Variants in ASIC2 observed in about 807,000 individuals in gnomAD.
ASIC2 encodes the protein acid-sensing ion channel 2.
In ASIC2, 25 loss-of-function variants were observed where a neutral mutation model predicts 57.3. That is an observed-to-expected ratio of 0.44 (90% CI 0.32 to 0.61). ASIC2 has a LOEUF of 0.61. Among genes scored for constraint, ASIC2 ranks in the 20% least tolerant of loss-of-function variants. ASIC2 has a pLI of 0.06. For synonymous variants in ASIC2, 319 were observed against 307.5 expected, an observed-to-expected ratio of 1.04 and a Z score of -0.39; for missense variants, 641 against 738.1, an observed-to-expected ratio of 0.87 and a Z score of 1.52.
chr17:33,198,263 G>A (rs1013773208), intron 1 of ASIC2, among the ~76,000 whole-genome samples: 1 of 152,120 alleles, frequency 6.6e-6, no homozygotes, highest in African/African-American at 2.4e-5. Context: ...GAGGTGGGAG[G>A]ATCCCTTGAA....
chr17:34,038,649 C>CT, intron 1 of ASIC2: 3 of 1,590,152 alleles, frequency 1.9e-6, no homozygotes, highest in Non-Finnish European at 2.6e-6. Context: ...CTAACCCTTT[C>CT]TAGCCTCTCC....
At chr17:33,414,648 G>A (rs1444791987) in intron 1 of ASIC2, among the ~76,000 whole-genome samples, 1 of 152,162 alleles carries the variant, frequency 6.6e-6, no homozygotes, top group East Asian at 1.9e-4. Flanking sequence ...GGTGCTCCAG[G>A]GTTTTCCAGG....
At chr17:34,095,670 T>G (rs374527732) in intron 1 of ASIC2, among the ~76,000 whole-genome samples, 2,297 of 92,760 alleles carry the variant, frequency 0.025, 49 homozygotes, top group East Asian at 0.082. Context: ...TATATATATA[T>G]AGAGAGAGAG....
intron 1 of ASIC2, among the ~76,000 whole-genome samples, chr17:34,099,135 AGAGAGAGAGACAGAGAGAGAGAG>A (rs2142096582): frequency 1.3e-4 from 3 of 23,260 alleles, no homozygotes; most frequent in African/African-American, 3.4e-4. Context: ...AGAGAGAGAG[AGAGAGAGAGACAGAGAGAGAGAG>A]AGAGAGAAAG....
intron 1 of ASIC2, among the ~76,000 whole-genome samples, chr17:34,107,716 T>C (rs1357813157): frequency 6.6e-6 from 1 of 152,140 alleles, no homozygotes; most frequent in East Asian, 1.9e-4. Context: ...GTACTCAAAA[T>C]AGTTTGTTCT....
At chr17:33,128,828 A>G (rs184650458) in intron 1 of ASIC2, among the ~76,000 whole-genome samples, 1 of 152,360 alleles carries the variant, frequency 6.6e-6, no homozygotes, top group African/African-American at 2.4e-5. Flanking sequence ...AAAGGTGGCC[A>G]TAGTAGTCAC....
chr17:33,367,710 A>AAGAT (rs1908870693), intron 1 of ASIC2, among the ~76,000 whole-genome samples: 3 of 152,152 alleles, frequency 2.0e-5, no homozygotes, highest in Non-Finnish European at 2.9e-5. Flanking sequence ...TTTAGTAAAA[A>AAGAT]CTCAGGGCAA....
In ASIC2 at chr17:33,830,554, A is replaced by T. The variant is rs867774992; in HGVS notation, c.555+325424T>A. ...TTTTAAACATATTTACATTAAAAAAATTTTTTTTTTACTTTAAGTTCTGGA... is the reference window on the plus strand; with the variant it reads ...TTTTAAACATATTTACATTAAAAAATTTTTTTTTTTACTTTAAGTTCTGGA... On this transcript the variant is annotated intron_variant, in intron 1 of 9. Coordinates refer to the ASIC2 transcript ENST00000359872. Among the ~76,000 whole-genome samples, 986 of 151,190 alleles carry T rather than the reference A, an allele frequency of 6.5e-3. 11 individuals carry two copies. Among genetic ancestry groups the T allele is most frequent in the African/African-American group, 0.023 (939 of 41,062 alleles).
chr17:33,377,048 T>G (rs1422939409), intron 1 of ASIC2, among the ~76,000 whole-genome samples: 1 of 151,920 alleles, frequency 6.6e-6, no homozygotes, highest in Non-Finnish European at 1.5e-5. Flanking sequence ...GATAGAAAGT[T>G]TTTTTTGGAG....
chr17:33,493,733 C>T (rs1396869303), intron 1 of ASIC2, among the ~76,000 whole-genome samples: 1 of 152,118 alleles, frequency 6.6e-6, no homozygotes, highest in African/African-American at 2.4e-5. Flanking sequence ...ATCCTTCCCC[C>T]AAGATAGCAT....
chr17:33,995,561 T>C (rs1906131212), intron 1 of ASIC2, among the ~76,000 whole-genome samples: 1 of 152,136 alleles, frequency 6.6e-6, no homozygotes, highest in South Asian at 2.1e-4. Flanking sequence ...TGAAGAAAAA[T>C]TGTATATATT....
chr17:33,871,803 G>A (rs1483506310), intron 1 of ASIC2, among the ~76,000 whole-genome samples: 6 of 152,160 alleles, frequency 3.9e-5, no homozygotes, highest in Non-Finnish European at 8.8e-5. Flanking sequence ...TCTGGATGAT[G>A]AGCTGGCGGC....
chr17:33,875,324 A>T (rs569417989), intron 1 of ASIC2, among the ~76,000 whole-genome samples: 1 of 152,328 alleles, frequency 6.6e-6, no homozygotes, highest in South Asian at 2.1e-4. Flanking sequence ...TTTCCAGAAT[A>T]CTGCTGGCCA....
At chr17:33,420,214 C>T (rs570891310) in intron 1 of ASIC2, among the ~76,000 whole-genome samples, 13 of 152,332 alleles carry the variant, frequency 8.5e-5, no homozygotes, top group African/African-American at 1.2e-4. Context: ...CCATTGTTTG[C>T]AGGATATTCT....
upstream of ASIC2, among the ~76,000 whole-genome samples, chr17:33,293,901 T>C (rs1291384103): frequency 6.6e-6 from 1 of 152,014 alleles, no homozygotes; most frequent in Non-Finnish European, 1.5e-5. Flanking sequence ...AGATGTGGTG[T>C]GTGGTTGGTG....
At chr17:33,415,962 A>G (rs999812199) in intron 1 of ASIC2, among the ~76,000 whole-genome samples, 1 of 152,206 alleles carries the variant, frequency 6.6e-6, no homozygotes, top group Admixed American at 6.5e-5. Flanking sequence ...AATTATTTCC[A>G]TGGCGGTGTG....
At chr17:33,469,401 G>C (rs888844556) in intron 1 of ASIC2, among the ~76,000 whole-genome samples, 1 of 152,206 alleles carries the variant, frequency 6.6e-6, no homozygotes, top group Admixed American at 6.5e-5. Context: ...GGCCCTGCAG[G>C]TTCCACAGCA....
Position 33,028,287 on chromosome 17 carries a change from G to T in ASIC2, c.1093C>A (p.Arg365Ser). 1 of 1,614,164 alleles carries T rather than the reference G, an allele frequency of 6.2e-7. No homozygotes were observed. The highest frequency in any genetic ancestry group is 8.5e-7 in the Non-Finnish European group (1 of 1,180,040). ...CAGTTGCAGTTTTCCACAATGTAGC[G>T]GGTCTCACAGTCAATCCTACAGGCG... ...ITACRIDCET[R>S]YIVENCNCRM... The change falls in exon 4 of 10, where the codon CGC (arginine) becomes AGC (serine). Residue 365 changes from arginine to serine, a missense_variant. Physicochemically the swap from Arg to Ser is moderately radical, Grantham distance 110. Transcript: ENST00000225823.
At chr17:34,139,278 G>GT (rs1912206884) in intron 1 of ASIC2, among the ~76,000 whole-genome samples, 1 of 152,156 alleles carries the variant, frequency 6.6e-6, no homozygotes, top group Non-Finnish European at 1.5e-5. Context: ...ATCTCACCAT[G>GT]TTTTTAAATC....
Sources: allele counts gnomAD v4.1 joint callset (sites outside exome capture counted in the v4.1 genomes callset), GRCh38; gene constraint gnomAD v4.1.1; transcripts MANE v1.5; gene names NCBI Gene and HGNC (gene_info 2026-07-23, HGNC 2026-07-21).